PTAR1: variants seen among roughly 807,000 people sequenced by gnomAD.
PTAR1 encodes the protein protein prenyltransferase alpha subunit repeat-containing protein 1.
PTAR1 carries 17 observed loss-of-function variants against 45.5 expected under a neutral mutation model. That is an observed-to-expected ratio of 0.37 (90% confidence interval 0.26 to 0.56). The LOEUF is 0.56. Ranked by LOEUF, PTAR1 falls within the 20% of genes least tolerant of loss-of-function variation. PTAR1 has a pLI of 0.77. For missense variants in PTAR1, 391 were observed against 476.3 expected (o/e 0.82, Z 1.67); for synonymous variants, 169 against 171.3 (o/e 0.99, Z 0.11).
chr9:69,759,896 C>T lies in PTAR1; in HGVS notation c.43G>A (p.Val15Ile). The T allele has an allele frequency of 6.5e-7, 1 of 1,529,600 alleles. No homozygotes were observed. The allele number at this position is 1,529,600 out of a possible 1,614,324, so 94.8% of individuals were successfully genotyped here. A position where few individuals can be genotyped will look rare whatever the true frequency, so the allele number is the denominator to read the frequency against. The change falls in exon 1 of 8, where the codon GTT (valine) becomes ATT (isoleucine). Residue 15 changes from valine (V) to isoleucine (I), a missense_variant. Around this residue, in one of 5 missense-constraint regions of PTAR1, gnomAD observed 152 missense variants for 160.0 expected, o/e 0.95. Coordinates refer to ENST00000340434, the MANE Select transcript of PTAR1 (RefSeq NM_001099666.2). Reference sequence around the variant, plus strand: ...AAGGCGTTAGTGATGTCCTTCACAACCCGCTGCACCAGCACCGCCACCTCC... The same window carrying T: ...AAGGCGTTAGTGATGTCCTTCACAATCCGCTGCACCAGCACCGCCACCTCC... ...SEEVAVLVQR[V>I]VKDITNAFRR...
intron 2 of PTAR1, among the ~76,000 whole-genome samples, chr9:69,749,540 T>C (rs548131302): frequency 7.9e-5 from 12 of 152,238 alleles, no homozygotes; most frequent in Non-Finnish European, 1.5e-4. Flanking sequence ...AAATTTGGGC[T>C]ATGGCTAAAC....
rs567749745 is a variant in PTAR1, at chr9:69,713,512, C to T, written c.*4830G>A. 6 of 152,224 alleles carry T rather than the reference C, an allele frequency of 3.9e-5. No homozygotes were observed. Among genetic ancestry groups the T allele is most frequent in the South Asian group, 4.1e-4 (2 of 4,830 alleles). 9.4% of individuals were successfully genotyped at this position (152,224 alleles called of 1,614,324 possible). A position where few individuals can be genotyped will look rare whatever the true frequency, so the allele number is the denominator to read the frequency against. On this transcript the variant is annotated 3_prime_UTR_variant, in exon 8 of 8. Coordinates refer to ENST00000340434, the MANE Select transcript of PTAR1 (RefSeq NM_001099666.2). ...AATGATACATTTAAAATTTCATCTA[C>T]GCATTTACTTCTTTTCCTCCAATAC...
chr9:69,754,718 A>G (rs1472361918), intron 1 of PTAR1, among the ~76,000 whole-genome samples: 1 of 27,942 alleles, frequency 3.6e-5, no homozygotes, highest in African/African-American at 7.3e-5. Context: ...ATATATATAT[A>G]TATATTTTTT....
Position 69,741,803 on chromosome 9 carries a change from T to C in PTAR1, c.312A>G (p.Ala104=), listed in dbSNP as rs761037415. ...TGAAAATGACATACCTCACGTTCCATGCAGTGGTAAAGTCTGGGTTTAGAA... is the reference window on the plus strand; with the variant it reads ...TGAAAATGACATACCTCACGTTCCACGCAGTGGTAAAGTCTGGGTTTAGAA... ...LLLLNPDFTT[A]WNVRKELILS... Residue 104 remains alanine, a synonymous_variant, in exon 3 of 8, where the codon GCA becomes GCG. Transcript: ENST00000340434. The C allele has an allele frequency of 3.8e-6, 6 of 1,596,646 alleles. No homozygotes were observed. The South Asian group carries it at 4.5e-5, about 12-fold the overall frequency.
chr9:69,726,592 A>C (rs1387304375), intron 5 of PTAR1, among the ~76,000 whole-genome samples: 1 of 152,008 alleles, frequency 6.6e-6, no homozygotes, highest in African/African-American at 2.4e-5. Context: ...TTGGAAGTAC[A>C]TGTTAATGCT....
In PTAR1 at chr9:69,712,247, T is replaced by C. The variant is rs929464637; in HGVS notation, c.*6095A>G. ...AAAAGGTATGGAAGAAAAGCCAGAATGTTATTGTTTGTAAACCACTAAAGA... is the reference window on the plus strand; with the variant it reads ...AAAAGGTATGGAAGAAAAGCCAGAACGTTATTGTTTGTAAACCACTAAAGA... On this transcript the variant is annotated 3_prime_UTR_variant, in exon 8 of 8. Coordinates refer to ENST00000340434, the MANE Select transcript of PTAR1 (RefSeq NM_001099666.2). The C allele has an allele frequency of 3.3e-5, 5 of 152,148 alleles. No individual in the cohort carries two copies. The highest frequency in any genetic ancestry group is 1.2e-4 in the African/African-American group (5 of 41,460). 9.4% of individuals were successfully genotyped at this position (152,148 alleles called of 1,614,324 possible).
intron 1 of PTAR1, among the ~76,000 whole-genome samples, chr9:69,751,663 C>T (rs953512343): frequency 3.3e-5 from 5 of 151,838 alleles, no homozygotes; most frequent in Non-Finnish European, 7.4e-5. Context: ...TTTATGCTTG[C>T]TTGCTAATAA....
At chr9:69,725,441 T>C (rs187617802) in intron 5 of PTAR1, among the ~76,000 whole-genome samples, 1 of 151,478 alleles carries the variant, frequency 6.6e-6, no homozygotes, top group Non-Finnish European at 1.5e-5. Flanking sequence ...AATACAAAAA[T>C]TTGCAGGGCG....
At chr9:69,739,604 A>G (rs890800309) in intron 3 of PTAR1, among the ~76,000 whole-genome samples, 2 of 152,142 alleles carry the variant, frequency 1.3e-5, no homozygotes, top group Admixed American at 6.5e-5. Flanking sequence ...AAATCACTCA[A>G]TGCCTTCCAG....
At chr9:69,721,240 T>A (rs1460268405) in intron 6 of PTAR1, among the ~76,000 whole-genome samples, 2 of 152,110 alleles carry the variant, frequency 1.3e-5, no homozygotes, top group Non-Finnish European at 2.9e-5. Context: ...CATGGATGAC[T>A]TTGAGGAGTT....
intron 6 of PTAR1, among the ~76,000 whole-genome samples, chr9:69,722,692 A>G (rs1268365302): frequency 6.6e-6 from 1 of 151,848 alleles, no homozygotes; most frequent in Non-Finnish European, 1.5e-5. Context: ...TAATCCCAGC[A>G]CTTTGGGAGG....
chr9:69,743,217 T>A (rs1301357287), intron 2 of PTAR1, among the ~76,000 whole-genome samples: 2 of 152,202 alleles, frequency 1.3e-5, no homozygotes, highest in Non-Finnish European at 2.9e-5. Flanking sequence ...AAACTGAAAT[T>A]CTGCAATTTA....
At chr9:69,756,241 C>T (rs183708332) in intron 1 of PTAR1, among the ~76,000 whole-genome samples, 18 of 152,288 alleles carry the variant, frequency 1.2e-4, no homozygotes, top group African/African-American at 3.9e-4. Flanking sequence ...CATCCTTGAG[C>T]CAGCTTTTCT....
chr9:69,726,696 A>T (rs992464127), intron 5 of PTAR1, among the ~76,000 whole-genome samples: 7 of 151,900 alleles, frequency 4.6e-5, no homozygotes, highest in Middle Eastern at 3.6e-3. Context: ...TTAAGCCTAA[A>T]TATCTTTTCT....
chr9:69,728,089 T>C (rs1465592644), intron 5 of PTAR1, among the ~76,000 whole-genome samples: 1 of 152,210 alleles, frequency 6.6e-6, no homozygotes, highest in Non-Finnish European at 1.5e-5. Flanking sequence ...ATCAGCATGT[T>C]TTCAAGGTTC....
chr9:69,744,970 C>T (rs1022621435), intron 2 of PTAR1, among the ~76,000 whole-genome samples: 2 of 152,182 alleles, frequency 1.3e-5, no homozygotes, highest in Non-Finnish European at 2.9e-5. Context: ...ATCCCAGCTT[C>T]TCCACTTACT....
chr9:69,717,530 A>AT lies in PTAR1; in HGVS notation c.*811dup, dbSNP rs1244622895. The stretch of plus-strand genomic sequence containing the variant: ...TTAAAAAATGGATTACATTGGAAGC[A>AT]TTTTTTTCATATAAATTCCAATACT... On this transcript the variant is annotated 3_prime_UTR_variant, in exon 8 of 8. Transcript: ENST00000340434. The AT allele has an allele frequency of 3.9e-5, 6 of 152,146 alleles. No individual in the cohort carries two copies. The highest frequency in any genetic ancestry group is 4.4e-5 in the Non-Finnish European group (3 of 68,018). 9.4% of individuals were successfully genotyped at this position (152,146 alleles called of 1,614,324 possible).
Position 69,712,482 on chromosome 9 carries a change from G to A in PTAR1, c.*5860C>T, listed in dbSNP as rs973858039. On this transcript the variant is annotated 3_prime_UTR_variant, in exon 8 of 8. Transcript: ENST00000340434. ...ATCTTTGCCTTATGCATTTGAAACT[G>A]ATTATGTATTTTATGCAAAATGGTA... 6.6e-6 allele frequency: 1 copy of A among 152,126 alleles called. No homozygotes were observed. Among genetic ancestry groups the A allele is most frequent in the African/African-American group, 2.4e-5 (1 of 41,434 alleles). 9.4% of individuals were successfully genotyped at this position (152,126 alleles called of 1,614,324 possible). A position where few individuals can be genotyped will look rare whatever the true frequency, so the allele number is the denominator to read the frequency against.
intron 3 of PTAR1, among the ~76,000 whole-genome samples, chr9:69,736,233 C>T (rs1159077628): frequency 1.3e-5 from 2 of 152,140 alleles, no homozygotes; most frequent in African/African-American, 4.8e-5. Context: ...CAGGTGGGCA[C>T]AGCAATATGT....
Sources: allele counts gnomAD v4.1 joint callset (sites outside exome capture counted in the v4.1 genomes callset), GRCh38; gene constraint gnomAD v4.1.1; regional missense constraint gnomAD v4.1.1; transcripts MANE v1.5; gene names NCBI Gene and HGNC (gene_info 2026-07-23, HGNC 2026-07-21).